Variants in LGSN observed in about 807,000 individuals in gnomAD.
LGSN encodes the protein lengsin.
LGSN carries 21 observed loss-of-function variants against 19.5 expected under a neutral mutation model. That is an observed-to-expected ratio of 1.07 (90% confidence interval 0.76 to 1.55). LGSN has a LOEUF of 1.55. LGSN is among the 40% of genes most tolerant of loss of function. LGSN has a pLI of 0.00. For synonymous variants in LGSN, 257 were observed against 215.6 expected, an observed-to-expected ratio of 1.19 and a Z score of -1.68; for missense variants, 673 against 608.5, an observed-to-expected ratio of 1.11 and a Z score of -1.12.
At chr6:63,508,855 G>T in the LGSN span, among the ~76,000 whole-genome samples, 1 of 149,814 alleles carries the variant, frequency 6.7e-6, no homozygotes, top group Non-Finnish European at 1.5e-5. Context: ...GGAGGTGGAG[G>T]TTGCAGTGAG....
chr6:63,513,299 T>C, the LGSN span, among the ~76,000 whole-genome samples: 36 of 152,316 alleles, frequency 2.4e-4, no homozygotes, highest in Admixed American at 4.6e-4. Context: ...TGCCATGAAA[T>C]CTCATTGGCA....
Position 63,278,474 on chromosome 6 carries a change from G to C in LGSN, c.*1547C>G, listed in dbSNP as rs1367098377. ...TTATTCTTCTCTTTTTTTTAAGACAGTGTCTCACTCTGTCACCCAAGCTGG... is the reference window on the plus strand; with the variant it reads ...TTATTCTTCTCTTTTTTTTAAGACACTGTCTCACTCTGTCACCCAAGCTGG... On this transcript the variant is annotated 3_prime_UTR_variant, in exon 4 of 4. Transcript: ENST00000370657. 6.6e-6 allele frequency: 1 copy of C among 151,932 alleles called. No individual in the cohort carries two copies. The highest frequency in any genetic ancestry group is 1.5e-5 in the Non-Finnish European group (1 of 68,062). 9.4% of individuals were successfully genotyped at this position (151,932 alleles called of 1,614,324 possible). A position where few individuals can be genotyped will look rare whatever the true frequency, so the allele number is the denominator to read the frequency against.
chr6:63,346,788 G>A, the LGSN span, among the ~76,000 whole-genome samples: 7 of 152,056 alleles, frequency 4.6e-5, no homozygotes, highest in East Asian at 9.7e-4. Context: ...TGGAACTTTC[G>A]AGCTCACCCC....
chr6:63,437,582 G>C, the LGSN span, among the ~76,000 whole-genome samples: 1 of 152,182 alleles, frequency 6.6e-6, no homozygotes, highest in Admixed American at 6.5e-5. Context: ...ATGATTGCTG[G>C]AGTCAAAATG....
chr6:63,436,468 T>C, the LGSN span, among the ~76,000 whole-genome samples: 7 of 152,346 alleles, frequency 4.6e-5, no homozygotes, highest in East Asian at 1.2e-3. Flanking sequence ...CAAAATCAAC[T>C]GTTTTCAAAA....
intron 1 of LGSN, among the ~76,000 whole-genome samples, chr6:63,303,308 G>T (rs777675084): frequency 1.3e-5 from 2 of 152,142 alleles, no homozygotes; most frequent in South Asian, 4.1e-4. Flanking sequence ...ATGCAAGAAG[G>T]CTAATGCAAT....
intron 2 of LGSN, among the ~76,000 whole-genome samples, chr6:63,290,480 T>C (rs1255866909): frequency 2.0e-5 from 3 of 152,256 alleles, no homozygotes; most frequent in Non-Finnish European, 4.4e-5. Flanking sequence ...TCCCAGTGTT[T>C]AGAAACTTTT....
chr6:63,472,496 A>G, the LGSN span, among the ~76,000 whole-genome samples: 2 of 152,136 alleles, frequency 1.3e-5, no homozygotes, highest in Non-Finnish European at 2.9e-5. Flanking sequence ...TACTATCTCT[A>G]TGAGCTCCCC....
the LGSN span, among the ~76,000 whole-genome samples, chr6:63,379,870 TC>T: frequency 6.6e-6 from 1 of 151,994 alleles, no homozygotes; most frequent in Non-Finnish European, 1.5e-5. Context: ...GGAGTCTTGG[TC>T]TTGTTGCCCA....
intron 1 of LGSN, among the ~76,000 whole-genome samples, chr6:63,313,310 C>T (rs140561764): frequency 5.9e-5 from 9 of 151,808 alleles, no homozygotes; most frequent in African/African-American, 1.9e-4. Flanking sequence ...AGGACAGTCA[C>T]GGTGGAAGCA....
At chr6:63,368,844 G>T in the LGSN span, among the ~76,000 whole-genome samples, 1 of 152,148 alleles carries the variant, frequency 6.6e-6, no homozygotes, top group Non-Finnish European at 1.5e-5. Flanking sequence ...ATACAGAATG[G>T]ATATTTAAAC....
chr6:63,464,999 C>T, the LGSN span, among the ~76,000 whole-genome samples: 9 of 144,094 alleles, frequency 6.2e-5, no homozygotes, highest in East Asian at 1.1e-3. Context: ...GCACTATAGC[C>T]TGGGTGACAA....
chr6:63,472,777 A>G, the LGSN span, among the ~76,000 whole-genome samples: 3 of 151,842 alleles, frequency 2.0e-5, no homozygotes, highest in South Asian at 6.2e-4. Context: ...TGTCTCTACT[A>G]AAAATACAAA....
At chr6:63,464,752 C>T in the LGSN span, among the ~76,000 whole-genome samples, 2 of 151,824 alleles carry the variant, frequency 1.3e-5, no homozygotes, top group Admixed American at 6.6e-5. Context: ...CCTGGCCAAA[C>T]GCGGTGGCTC....
chr6:63,493,868 A>G, the LGSN span, among the ~76,000 whole-genome samples: 65 of 152,282 alleles, frequency 4.3e-4, no homozygotes, highest in African/African-American at 1.5e-3. Context: ...GCTTTTCAAA[A>G]GTTGATTCAA....
chr6:63,360,200 A>G, the LGSN span, among the ~76,000 whole-genome samples: 1 of 152,208 alleles, frequency 6.6e-6, no homozygotes, highest in African/African-American at 2.4e-5. Context: ...CTGAATTTGA[A>G]TGTTGGCCTG....
At chr6:63,453,348 C>A in the LGSN span, among the ~76,000 whole-genome samples, 6 of 151,876 alleles carry the variant, frequency 4.0e-5, no homozygotes, top group African/African-American at 1.5e-4. Flanking sequence ...TCTATGTGTT[C>A]TATTAGTTAC....
chr6:63,540,217 G>T, the LGSN span, among the ~76,000 whole-genome samples: 10 of 152,136 alleles, frequency 6.6e-5, no homozygotes, highest in Non-Finnish European at 1.3e-4. Flanking sequence ...CTTACTCCTT[G>T]AACAACCTAC....
the LGSN span, among the ~76,000 whole-genome samples, chr6:63,494,815 A>T: frequency 6.6e-6 from 1 of 152,170 alleles, no homozygotes; most frequent in Non-Finnish European, 1.5e-5. Context: ...TCTAAGTTTT[A>T]TTATTTCATT....
Sources: allele counts gnomAD v4.1 joint callset (sites outside exome capture counted in the v4.1 genomes callset), GRCh38; gene constraint gnomAD v4.1.1; transcripts MANE v1.5; gene names NCBI Gene and HGNC (gene_info 2026-07-23, HGNC 2026-07-21).